USP28: variants seen among roughly 807,000 people sequenced by gnomAD.
The protein encoded by USP28 is ubiquitin carboxyl-terminal hydrolase 28.
USP28 carries 113 observed loss-of-function variants against 145.0 expected under a neutral mutation model. The ratio of observed to expected loss-of-function variants is 0.78; its 90% CI spans 0.67 to 0.91. The LOEUF is 0.91. USP28 is among the 40% of genes least tolerant of loss of function. USP28 has a pLI of 0.00. For synonymous variants in USP28, 447 were observed against 450.9 expected (o/e 0.99, Z 0.11); for missense variants, 1,201 against 1,289.6 (o/e 0.93, Z 1.05).
At chr11:113,855,319 C>T (rs1169389993) in intron 1 of USP28, among the ~76,000 whole-genome samples, 1 of 152,112 alleles carries the variant, frequency 6.6e-6, no homozygotes, top group Non-Finnish European at 1.5e-5. Context: ...AAAGACAATA[C>T]AAAACACCGA....
intron 5 of USP28, chr11:113,835,336 A>C (rs1415216903): frequency 2.2e-6 from 1 of 456,058 alleles, no homozygotes; most frequent in Non-Finnish European, 4.4e-6. Context: ...TCCTAGGTAG[A>C]TAATAGGCAA....
chr11:113,833,845 C>T (rs1456052015), intron 6 of USP28, among the ~76,000 whole-genome samples: 1 of 152,140 alleles, frequency 6.6e-6, no homozygotes, highest in Non-Finnish European at 1.5e-5. Flanking sequence ...AAGGTGAAAT[C>T]CTGGGAAGGG....
At chr11:113,869,396 T>G (rs1948600493) in intron 1 of USP28, among the ~76,000 whole-genome samples, 1 of 152,086 alleles carries the variant, frequency 6.6e-6, no homozygotes, top group African/African-American at 2.4e-5. Flanking sequence ...GCCACTGTAC[T>G]CCATCCTGGG....
At chr11:113,849,339 G>A (rs1946217603) in intron 3 of USP28, among the ~76,000 whole-genome samples, 2 of 152,232 alleles carry the variant, frequency 1.3e-5, no homozygotes, top group African/African-American at 4.8e-5. Context: ...AAGGTGAATG[G>A]ACAACATCCT....
chr11:113,857,294 C>G (rs763908743), intron 1 of USP28, among the ~76,000 whole-genome samples: 6 of 152,142 alleles, frequency 3.9e-5, no homozygotes, highest in Non-Finnish European at 8.8e-5. Flanking sequence ...TGCTATCTTC[C>G]CTTCTGGGTT....
At chr11:113,815,534 A>G in intron 13 of USP28, 152 bp from the exon 14 acceptor site, 1 of 682,526 alleles carries the variant, frequency 1.5e-6, no homozygotes, top group Non-Finnish European at 2.4e-6. Context: ...CTTTTTCTCT[A>G]TCATCTCACG....
rs1474733004 is a variant in USP28, at chr11:113,827,232, C to T, written c.1187+1G>A. The T allele has an allele frequency of 1.2e-6, 2 of 1,603,262 alleles. No homozygotes were observed. The highest frequency in any genetic ancestry group is 2.2e-5 in the East Asian group (1 of 44,810). ...AAAAAAAAAATCAGCCAAGAACTCACCTGTCCATATAAATAATCTGAGGAA... is the reference window on the plus strand; with the variant it reads ...AAAAAAAAAATCAGCCAAGAACTCATCTGTCCATATAAATAATCTGAGGAA... On this transcript the variant is annotated splice_donor_variant, in intron 11 of 24. Coordinates refer to ENST00000003302, the Ensembl canonical transcript of USP28. LOFTEE classifies it high-confidence loss of function.
chr11:113,829,921 A>G (rs1214719831), intron 9 of USP28, among the ~76,000 whole-genome samples: 1 of 152,148 alleles, frequency 6.6e-6, no homozygotes, highest in Non-Finnish European at 1.5e-5. Flanking sequence ...TTGCCAAAAA[A>G]AGCCTTAGCT....
In USP28 at chr11:113,808,286, A is replaced by C. The variant is rs1418625551; in HGVS notation, c.2304+12T>G. 6.2e-7 allele frequency: 1 copy of C among 1,607,794 alleles called. No individual in the cohort carries two copies. Among genetic ancestry groups the C allele is most frequent in the East Asian group, 2.2e-5 (1 of 44,818 alleles). On this transcript the variant is annotated intron_variant, in intron 18 of 24. Transcript: ENST00000003302. Reference sequence around the variant, plus strand: ...CGGCTCTCCTGAACTTGGGCTTCCCAGTCATTCTCACCTCACTCAGTGCCG... The same window carrying C: ...CGGCTCTCCTGAACTTGGGCTTCCCCGTCATTCTCACCTCACTCAGTGCCG...
chr11:113,815,266 T>G, exon 14 of USP28: 2 of 1,614,218 alleles, frequency 1.2e-6, no homozygotes, highest in Non-Finnish European at 8.5e-7. Flanking sequence ...TGGAGCTGGC[T>G]GTGAAGGCAT....
chr11:113,803,042 G>A (rs1233458331), intron 23 of USP28, 116 bp downstream of exon 24: 1 of 1,202,928 alleles, frequency 8.3e-7, no homozygotes, highest in South Asian at 2.3e-5. Flanking sequence ...GAGAATTTTG[G>A]GGGGAAATCT....
chr11:113,869,322 G>A lies in USP28; in HGVS notation c.57+6123C>T, dbSNP rs890664207. Among the ~76,000 whole-genome samples the A allele has an allele frequency of 2.0e-5, 3 of 152,306 alleles. No individual in the cohort carries two copies. The South Asian group carries it at 6.2e-4, about 32-fold the overall frequency. ...CATGTGCCTGTAATCCCAGCTACTT[G>A]GGAGGCAGAGGCAGAAGAATCAATA... On this transcript the variant is annotated intron_variant, in intron 1 of 24. Coordinates refer to ENST00000003302, the Ensembl canonical transcript of USP28.
intron 1 of USP28, among the ~76,000 whole-genome samples, chr11:113,855,004 C>A (rs1473816109): frequency 1.3e-5 from 2 of 152,184 alleles, no homozygotes; most frequent in African/African-American, 4.8e-5. Context: ...CTATTTTAAG[C>A]TTTCCTGCAC....
chr11:113,801,382 C>A, intron 24 of USP28, 101 bp downstream of exon 25: 1 of 883,358 alleles, frequency 1.1e-6, no homozygotes, highest in Non-Finnish European at 1.7e-6. Flanking sequence ...CTAGAAGGTT[C>A]CAATTCCTTA....
chr11:113,829,527 C>A, intron 9 of USP28, 182 bp from the exon 10 acceptor site: 2 of 683,058 alleles, frequency 2.9e-6, no homozygotes, highest in African/African-American at 1.8e-5. Flanking sequence ...CAATGAAAAC[C>A]AGTAACACTG....
rs756138196 is a variant in USP28 at position 113,804,939 on chromosome 11, T to C, written c.2508A>G (p.Glu836=). ...TTCGTTCTACTACCCTTTTGGGTGC[T>C]TCATTTTGGAAAAAGTAGACAAGGA... The change falls in exon 20 of 25, where the codon GAA becomes GAG. Residue 836 remains glutamate, a synonymous_variant. Coordinates refer to ENST00000003302, the Ensembl canonical transcript of USP28. 2.5e-6 allele frequency: 4 copies of C among 1,614,102 alleles called. No individual in the cohort carries two copies. The East Asian group carries it at 8.9e-5, about 36-fold the overall frequency.
chr11:113,827,251 T>C, exon 11 of USP28: 1 of 1,608,570 alleles, frequency 6.2e-7, no homozygotes, highest in Non-Finnish European at 8.5e-7. Context: ...ATAAATAATC[T>C]GAGGAAATTC....
In USP28 at chr11:113,817,671, TC is replaced by T; in HGVS notation, c.1449del (p.Thr484HisfsTer32). 1 of 1,613,350 alleles carries T rather than the reference TC, an allele frequency of 6.2e-7. No individual in the cohort carries two copies. The highest frequency in any genetic ancestry group is 8.5e-7 in the Non-Finnish European group (1 of 1,179,754). ...TGTTTTCATTACCTTTCCTTGGATGTCTGGTCAGAAACCGAGCAGTGCACTG... is the reference window on the plus strand; with the variant it reads ...TGTTTTCATTACCTTTCCTTGGATGTTGGTCAGAAACCGAGCAGTGCACTG... On this transcript the variant is annotated frameshift_variant, in exon 13 of 25. Coordinates refer to ENST00000003302, the Ensembl canonical transcript of USP28. LOFTEE classifies it high-confidence loss of function.
chr11:113,835,216 G>A (rs962044855), intron 5 of USP28: 1 of 447,804 alleles, frequency 2.2e-6, no homozygotes, highest in African/African-American at 2.0e-5. Context: ...CCTTTCATAA[G>A]TTAATTTTCT....
Sources: allele counts gnomAD v4.1 joint callset (sites outside exome capture counted in the v4.1 genomes callset), GRCh38; gene constraint gnomAD v4.1.1; transcripts MANE v1.5; gene names NCBI Gene and HGNC (gene_info 2026-07-23, HGNC 2026-07-21).